SPINK4: variants seen among roughly 807,000 people sequenced by gnomAD.
SPINK4 encodes the protein serine protease inhibitor Kazal-type 4.
Under a neutral mutation model 12.3 loss-of-function variants are expected in SPINK4, and 10 were observed. The ratio of observed to expected loss-of-function variants is 0.81; its 90% confidence interval spans 0.50 to 1.37. SPINK4 has a LOEUF of 1.37. SPINK4 is among the 40% of genes most tolerant of loss of function. SPINK4 has a pLI of 0.00. For synonymous variants in SPINK4, 37 were observed against 40.2 expected (o/e 0.92, Z 0.30); for missense variants, 91 against 109.0 (o/e 0.84, Z 0.73).
chr9:33,244,961 C>T, intron 1 of SPINK4, 151 bp from the exon 2 acceptor site: 1 of 649,342 alleles, frequency 1.5e-6, no homozygotes, highest in Non-Finnish European at 2.6e-6. Context: ...TTTCTGGCAG[C>T]CCCATTGTCT....
At chr9:33,247,806 G>A (rs970735945) in intron 3 of SPINK4, 17 of 152,682 alleles carry the variant, frequency 1.1e-4, no homozygotes, top group African/African-American at 3.9e-4. Flanking sequence ...GAAAGTCCTC[G>A]GAAGCTGCAA....
At chr9:33,246,500 G>T (rs1820286453) in intron 2 of SPINK4, 116 bp from the exon 3 acceptor site, 1 of 768,560 alleles carries the variant, frequency 1.3e-6, no homozygotes, top group Non-Finnish European at 2.3e-6. Flanking sequence ...ACCCACACTG[G>T]GGGCCTTCTT....
Position 33,240,267 on chromosome 9 carries a change from G to A in SPINK4, c.59G>A (p.Arg20Lys), listed in dbSNP as rs1376665472. The A allele has an allele frequency of 6.2e-7, 1 of 1,600,982 alleles. No homozygotes were observed. The highest frequency in any genetic ancestry group is 1.4e-5 in the African/African-American group (1 of 74,064). Residue 20 changes from arginine (R) to lysine (K), a missense_variant and splice_region_variant, in exon 1 of 4, where the codon AGG becomes AAG. Arg to Lys is a conservative substitution (Grantham distance 26, BLOSUM62 2). Transcript: ENST00000379721. ...LALAALLVVD[R>K]EVPVAAGKLP... ...TTGGCTGCCCTCCTTGTTGTGGACAGGGGTGAGTGGGCAGAACCTGGATTC... is the reference window on the plus strand; with the variant it reads ...TTGGCTGCCCTCCTTGTTGTGGACAAGGGTGAGTGGGCAGAACCTGGATTC...
chr9:33,240,885 C>T (rs1820228025), intron 1 of SPINK4, among the ~76,000 whole-genome samples: 1 of 152,092 alleles, frequency 6.6e-6, no homozygotes, highest in African/African-American at 2.4e-5. Context: ...AAAGCACGGT[C>T]CTGATGGAGC....
At chr9:33,241,278 G>A (rs1023136343) in intron 1 of SPINK4, among the ~76,000 whole-genome samples, 10 of 152,136 alleles carry the variant, frequency 6.6e-5, no homozygotes, top group East Asian at 3.8e-4. Context: ...GAACTGTACC[G>A]GGAAAGACCT....
intron 3 of SPINK4, 28 bp downstream of exon 3, chr9:33,246,756 CTTGGG>C: frequency 6.2e-7 from 1 of 1,601,338 alleles, no homozygotes; most frequent in Non-Finnish European, 8.6e-7. Context: ...CCCCTGCTTG[CTTGGG>C]TGGGCCCCAT....
chr9:33,247,091 T>A (rs1343535944), intron 3 of SPINK4, among the ~76,000 whole-genome samples: 1 of 151,916 alleles, frequency 6.6e-6, no homozygotes. Flanking sequence ...ACAGCATCAC[T>A]GGCCTTCTGG....
At position 33,241,843 on chromosome 9, in the gene SPINK4, C is replaced by T. The variant is rs150720397; in HGVS notation, c.61+1574C>T. Reference sequence around the variant, plus strand: ...TGACATCTTAGAGTTCTGAACACCCCCTCCTCCCAATACACTTTAATTTTT... The same window carrying T: ...TGACATCTTAGAGTTCTGAACACCCTCTCCTCCCAATACACTTTAATTTTT... On this transcript the variant is annotated intron_variant, in intron 1 of 3. Coordinates refer to ENST00000379721, the MANE Select transcript of SPINK4 (RefSeq NM_014471.3). Among the ~76,000 whole-genome samples the T allele has an allele frequency of 5.7e-3, 867 of 152,120 alleles. 9 individuals carry two copies. The highest frequency in any genetic ancestry group is 0.017 in the Middle Eastern group (5 of 294).
intron 1 of SPINK4, among the ~76,000 whole-genome samples, chr9:33,243,793 G>A (rs1056463637): frequency 2.6e-5 from 4 of 152,032 alleles, no homozygotes; most frequent in African/African-American, 9.7e-5. Context: ...AGCACATTGG[G>A]GTGACTTAGT....
At chr9:33,241,215 C>T (rs763491781) in intron 1 of SPINK4, among the ~76,000 whole-genome samples, 8 of 152,000 alleles carry the variant, frequency 5.3e-5, no homozygotes, top group Non-Finnish European at 1.0e-4. Context: ...ACCAGTGTGG[C>T]AGGAGGGGAC....
chr9:33,245,186 C>T, intron 2 of SPINK4, 34 bp downstream of exon 2: 1 of 1,607,870 alleles, frequency 6.2e-7, no homozygotes. Context: ...CACCTTCTCT[C>T]TGCTGAGAGG....
chr9:33,241,135 G>C (rs1183753369), intron 1 of SPINK4, among the ~76,000 whole-genome samples: 1 of 151,226 alleles, frequency 6.6e-6, no homozygotes, highest in Non-Finnish European at 1.5e-5. Context: ...AAGATTCCAG[G>C]CAGAGGGAAC....
In SPINK4 at chr9:33,245,166, G is replaced by T. The variant is rs369230241; in HGVS notation, c.102+14G>T. 9.3e-6 allele frequency: 15 copies of T among 1,612,698 alleles called. No homozygotes were observed. Among genetic ancestry groups the T allele is most frequent in the Middle Eastern group, 1.7e-4 (1 of 6,050 alleles). On this transcript the variant is annotated intron_variant, in intron 2 of 3. Transcript: ENST00000379721. The stretch of plus-strand genomic sequence containing the variant: ...TTCTCAAGAATGGTAAGGCAGCTGC[G>T]TGTTGTTCTCACCTTCTCTCTGCTG...
intron 3 of SPINK4, 143 bp downstream of exon 3, chr9:33,246,871 G>C (rs1324000739): frequency 2.0e-5 from 13 of 665,582 alleles, no homozygotes; most frequent in Non-Finnish European, 3.2e-5. Flanking sequence ...CTAATAGAAT[G>C]AGTGCCAGAT....
At chr9:33,245,270 G>A in intron 2 of SPINK4, 118 bp downstream of exon 2, 1 of 1,024,308 alleles carries the variant, frequency 9.8e-7, no homozygotes, top group Non-Finnish European at 1.4e-6. Context: ...ATGGCTCCAA[G>A]GTGGCCAAGG....
intron 2 of SPINK4, among the ~76,000 whole-genome samples, chr9:33,246,110 C>T (rs537425699): frequency 2.0e-4 from 31 of 152,280 alleles, no homozygotes; most frequent in South Asian, 4.1e-4. Flanking sequence ...CTTCAGCCTT[C>T]GCACACTTTG....
At chr9:33,240,777 C>T (rs2117865670) in intron 1 of SPINK4, among the ~76,000 whole-genome samples, 1 of 152,282 alleles carries the variant, frequency 6.6e-6, no homozygotes, top group South Asian at 2.1e-4. Context: ...ATACTTGGGG[C>T]AGGGCCCTCT....
At chr9:33,247,086 A>C (rs1820294379) in intron 3 of SPINK4, among the ~76,000 whole-genome samples, 1 of 152,052 alleles carries the variant, frequency 6.6e-6, no homozygotes, top group Non-Finnish European at 1.5e-5. Context: ...GTTAGACAGC[A>C]TCACTGGCCT....
In SPINK4 at chr9:33,246,748, C is replaced by T. The variant is rs754258490; in HGVS notation, c.215+20C>T. On this transcript the variant is annotated intron_variant, in intron 3 of 3. Coordinates refer to ENST00000379721, the MANE Select transcript of SPINK4 (RefSeq NM_014471.3). ...CCGGATGTAAGTCTGCCCCACAACCCCTGCTTGCTTGGGTGGGCCCCATCT... is the reference window on the plus strand; with the variant it reads ...CCGGATGTAAGTCTGCCCCACAACCTCTGCTTGCTTGGGTGGGCCCCATCT... 28 of 1,610,436 alleles carry T rather than the reference C, an allele frequency of 1.7e-5. No homozygotes were observed. Among genetic ancestry groups the T allele is most frequent in the Non-Finnish European group, 2.3e-5 (27 of 1,177,126 alleles).
Sources: gnomAD v4.1 joint callset for allele counts (sites outside exome capture counted in the v4.1 genomes callset) on GRCh38, gnomAD v4.1.1 for gene constraint, MANE v1.5 for transcripts, NCBI Gene and HGNC (gene_info 2026-07-23, HGNC 2026-07-21) for gene names.